Variants in KRT79 observed in about 807,000 individuals in gnomAD.
The protein encoded by KRT79 is keratin, type II cytoskeletal 79.
In KRT79, 51 loss-of-function variants were observed where a neutral mutation model predicts 49.0. The ratio of observed to expected loss-of-function variants is 1.04; its 90% CI spans 0.83 to 1.31. KRT79 has a LOEUF of 1.31. Ranked by LOEUF, KRT79 falls within the 40% of genes most tolerant of loss-of-function variation. The pLI, the probability that KRT79 is intolerant of heterozygous loss-of-function variation, is 0.00. For missense variants in KRT79, 728 were observed against 688.0 expected (o/e 1.06, Z -0.65); for synonymous variants, 312 against 286.6 (o/e 1.09, Z -0.90).
chr12:52,827,024 T>C (rs1190859368), intron 4 of KRT79, among the ~76,000 whole-genome samples: 1 of 152,188 alleles, frequency 6.6e-6, no homozygotes, highest in Non-Finnish European at 1.5e-5. Flanking sequence ...CACCTAACTG[T>C]GCCCACACAC....
In KRT79 at chr12:52,821,878, C is replaced by A. The variant is rs570772299; in HGVS notation, c.1602G>T (p.Arg534Ser). 1 of 1,613,860 alleles carries A rather than the reference C, an allele frequency of 6.2e-7. No individual in the cohort carries two copies. Among genetic ancestry groups the A allele is most frequent in the African/African-American group, 1.3e-5 (1 of 75,026 alleles). The change falls in exon 9 of 9, where the codon AGG becomes AGT. Residue 534 changes from arginine (R) to serine (S), a missense_variant. Arg to Ser is a moderately radical substitution (Grantham distance 110). Coordinates refer to ENST00000330553, the MANE Select transcript of KRT79 (RefSeq NM_175834.3). ...CCCTTGCAGGGCTCAGCAGCTAATA[C>A]CTCTGGCTGGACGTCTTGACCGTAG... ...KTTTVKTSSQ[R>S]Y
chr12:52,831,666 G>A (rs753491134), intron 1 of KRT79, 40 bp from the exon 2 acceptor site: 14 of 1,525,778 alleles, frequency 9.2e-6, no homozygotes, highest in Non-Finnish European at 1.3e-5. Context: ...GTCACCCTCC[G>A]GTCACCAGAG....
rs201543070 is a variant in KRT79, at chr12:52,823,998, C to T, written c.1035G>A (p.Gln345=). ...AWYQTKYEEL[Q]VTAGKHGDNL... ...TGTCCCCATGCTTCCCAGCAGTCACCTGCAGCTCCTCATACTGGGGACCAA... is the reference window on the plus strand; with the variant it reads ...TGTCCCCATGCTTCCCAGCAGTCACTTGCAGCTCCTCATACTGGGGACCAA... Residue 345 remains glutamine, a synonymous_variant, in exon 6 of 9, where the codon CAG becomes CAA. Coordinates refer to ENST00000330553, the MANE Select transcript of KRT79 (RefSeq NM_175834.3). 6.1e-5 allele frequency: 99 copies of T among 1,614,200 alleles called. No individual in the cohort carries two copies. The Admixed American group carries it at 1.6e-3, about 27-fold the overall frequency.
chr12:52,828,095 T>G (rs1256659061), intron 4 of KRT79, among the ~76,000 whole-genome samples: 2 of 152,156 alleles, frequency 1.3e-5, no homozygotes, highest in African/African-American at 4.8e-5. Flanking sequence ...ATAGAATGAA[T>G]TCCTAAATGT....
intron 6 of KRT79, 48 bp downstream of exon 6, chr12:52,823,839 C>A (rs201427820): frequency 3.2e-6 from 5 of 1,578,798 alleles, no homozygotes; most frequent in South Asian, 1.1e-5. Context: ...AATGAGAAGG[C>A]CCTGCCAACA....
At position 52,823,892 on chromosome 12, in the gene KRT79, T is replaced by A. The variant is rs1484038933; in HGVS notation, c.1141A>T (p.Lys381Ter). Residue 381 changes from lysine (K) to a stop codon, truncating the protein, a stop_gained, in exon 6 of 9, where the codon AAG becomes TAG. Transcript: ENST00000330553. LOFTEE classifies it high-confidence loss of function. ...RLQGEADAAK[K>*]QCQQLQTAIA... ...AGCCCCCAGTAGAGTCCCACCTGCT[T>A]CTTGGCTGCATCAGCCTCCCCCTGC... The A allele has an allele frequency of 1.2e-6, 2 of 1,613,082 alleles. No individual in the cohort carries two copies. The highest frequency in any genetic ancestry group is 1.7e-6 in the Non-Finnish European group (2 of 1,179,784).
intron 4 of KRT79, among the ~76,000 whole-genome samples, chr12:52,825,911 G>C (rs1463567777): frequency 1.3e-5 from 2 of 152,136 alleles, no homozygotes; most frequent in African/African-American, 4.8e-5. Flanking sequence ...TGGGGCTTAA[G>C]ATCCATGTAT....
rs762748757 is a variant in KRT79, at chr12:52,833,979, T to C, written c.282A>G (p.Ala94=). The part of the protein sequence containing the change: ...ALGGFGFGSR[A]FMGQGAGRQT... ...GCCTGCCAGCCCCCTGTCCCATAAA[T>C]GCCCTGCTGCCAAAGCCAAAGCCCC... Residue 94 remains alanine (A), a synonymous_variant, in exon 1 of 9, where the codon GCA becomes GCG. Coordinates refer to ENST00000330553, the MANE Select transcript of KRT79 (RefSeq NM_175834.3). 2 of 1,612,744 alleles carry C rather than the reference T, an allele frequency of 1.2e-6. No homozygotes were observed. Among genetic ancestry groups the C allele is most frequent in the Non-Finnish European group, 1.7e-6 (2 of 1,179,366 alleles).
In KRT79 at chr12:52,822,014, G is replaced by C; in HGVS notation, c.1466C>G (p.Ser489Cys). The change falls in exon 9 of 9, where the codon TCC becomes TGC. Residue 489 changes from serine (S) to cysteine (C), a missense_variant. Ser to Cys is a moderately radical substitution (Grantham distance 112). Coordinates refer to ENST00000330553, the MANE Select transcript of KRT79 (RefSeq NM_175834.3). ...GGTGGCCCCCCCACTCCCACCCAGG[G>C]AGATGCCACCTCCAAAGCTGGCTGC... ...GGAASFGGGISLGGSGGATKG... is the reference protein window; with the variant it reads ...GGAASFGGGICLGGSGGATKG... The C allele has an allele frequency of 3.1e-6, 5 of 1,614,216 alleles. No homozygotes were observed. The highest frequency in any genetic ancestry group is 4.2e-6 in the Non-Finnish European group (5 of 1,180,038).
intron 1 of KRT79, 108 bp downstream of exon 1, chr12:52,833,676 C>A: frequency 1.1e-6 from 1 of 911,534 alleles, no homozygotes; most frequent in South Asian, 1.4e-5. Context: ...GCTCTATCAA[C>A]CACCACCCTA....
At chr12:52,833,028 A>C (rs986675098) in intron 1 of KRT79, among the ~76,000 whole-genome samples, 1 of 152,226 alleles carries the variant, frequency 6.6e-6, no homozygotes, top group African/African-American at 2.4e-5. Flanking sequence ...GCCTTGGCTC[A>C]GGATCGAGGT....
chr12:52,833,174 T>C (rs1395639741), intron 1 of KRT79, among the ~76,000 whole-genome samples: 2 of 152,192 alleles, frequency 1.3e-5, no homozygotes, highest in Non-Finnish European at 2.9e-5. Context: ...GGTGACCTGG[T>C]GACCACCCTC....
Position 52,821,452 on chromosome 12 carries a change from T to C in KRT79, c.*420A>G. 1 of 210,310 alleles carries C rather than the reference T, an allele frequency of 4.8e-6. No homozygotes were observed. The highest frequency in any genetic ancestry group is 9.8e-5 in the South Asian group (1 of 10,214). The allele number at this position is 210,310 out of a possible 1,614,324, so 13.0% of individuals were successfully genotyped here. On this transcript the variant is annotated 3_prime_UTR_variant, in exon 9 of 9. Coordinates refer to ENST00000330553, the MANE Select transcript of KRT79 (RefSeq NM_175834.3). Reference sequence around the variant, plus strand: ...TGCAGCCACAGACAGCTAGCTGCAGTTGCACCATTTATTGAGACACAGACA... The same window carrying C: ...TGCAGCCACAGACAGCTAGCTGCAGCTGCACCATTTATTGAGACACAGACA...
At chr12:52,829,965 A>G in intron 4 of KRT79, 58 bp downstream of exon 4, 1 of 1,438,426 alleles carries the variant, frequency 7.0e-7, no homozygotes, top group African/African-American at 1.4e-5. Context: ...CCTCCATGGA[A>G]AACGCCCAGT....
intron 4 of KRT79, among the ~76,000 whole-genome samples, chr12:52,827,957 C>T (rs1940199652): frequency 6.6e-6 from 1 of 152,188 alleles, no homozygotes; most frequent in East Asian, 1.9e-4. Context: ...AAGGAACGCC[C>T]TGGTCATCCT....
chr12:52,822,692 C>T (rs1940111241), intron 7 of KRT79, among the ~76,000 whole-genome samples: 1 of 152,170 alleles, frequency 6.6e-6, no homozygotes, highest in African/African-American at 2.4e-5. Context: ...CTAGTTTCTG[C>T]CCACTTTCTA....
At chr12:52,822,717 T>A (rs1940111582) in intron 7 of KRT79, among the ~76,000 whole-genome samples, 1 of 152,138 alleles carries the variant, frequency 6.6e-6, no homozygotes. Context: ...ATGCTTTTCC[T>A]AAGGACAGAG....
chr12:52,825,569 C>T (rs537247911), intron 4 of KRT79, among the ~76,000 whole-genome samples: 5 of 152,060 alleles, frequency 3.3e-5, no homozygotes, highest in Non-Finnish European at 7.4e-5. Context: ...AGGACGTAGA[C>T]TAAAATAGAG....
At chr12:52,826,738 G>A (rs1406849996) in intron 4 of KRT79, among the ~76,000 whole-genome samples, 4 of 151,878 alleles carry the variant, frequency 2.6e-5, no homozygotes, top group Admixed American at 2.0e-4. Flanking sequence ...CCAGAGGGAG[G>A]CCACCATGGA....
Sources: allele counts gnomAD v4.1 joint callset (sites outside exome capture counted in the v4.1 genomes callset), GRCh38; gene constraint gnomAD v4.1.1; transcripts MANE v1.5; gene names NCBI Gene and HGNC (gene_info 2026-07-23, HGNC 2026-07-21).